The following AKAP6 variants were observed in gnomAD, a reference collection of about 807,000 sequenced individuals.
AKAP6 encodes A-kinase anchor protein 6.
A neutral mutation model predicts 188.5 loss-of-function variants in AKAP6; 58 were observed. The observed-to-expected ratio is 0.31, with a 90% confidence interval of 0.25 to 0.38. The LOEUF is 0.38. AKAP6 is among the 10% of genes least tolerant of loss of function. The pLI, the probability that AKAP6 is intolerant of heterozygous loss-of-function variation, is 1.00. For missense variants in AKAP6, 2,710 were observed against 2,740.0 expected (o/e 0.99, Z 0.24); for synonymous variants, 989 against 998.6 (o/e 0.99, Z 0.18).
At chr14:32,616,371 G>C (rs760596661) in intron 7 of AKAP6, among the ~76,000 whole-genome samples, 3 of 152,178 alleles carry the variant, frequency 2.0e-5, no homozygotes, top group African/African-American at 4.8e-5. Flanking sequence ...ATCAATTGTA[G>C]ACTGGATAAA....
intron 4 of AKAP6, among the ~76,000 whole-genome samples, chr14:32,551,571 CAAA>C (rs1184190008): frequency 5.9e-5 from 3 of 50,960 alleles, no homozygotes; most frequent in Non-Finnish European, 4.1e-5. Flanking sequence ...GACTTGGTCT[CAAA>C]AAAAAAAAAA....
At chr14:32,678,198 A>G (rs1423194345) in intron 7 of AKAP6, 113 bp from the exon 8 acceptor site, 23 of 1,122,022 alleles carry the variant, frequency 2.0e-5, no homozygotes, top group Non-Finnish European at 2.6e-5. Flanking sequence ...ATCCAACTCG[A>G]AAAGGAGCAC....
At chr14:32,674,227 G>A (rs555712144) in intron 7 of AKAP6, among the ~76,000 whole-genome samples, 6 of 152,308 alleles carry the variant, frequency 3.9e-5, no homozygotes, top group East Asian at 1.9e-4. Context: ...GGTAGGAAAC[G>A]TGGCCTAAGG....
At chr14:32,466,312 A>G (rs896057751) in intron 2 of AKAP6, among the ~76,000 whole-genome samples, 3 of 152,192 alleles carry the variant, frequency 2.0e-5, no homozygotes, top group African/African-American at 7.2e-5. Context: ...AATAGCAAAG[A>G]CTTGGAACCA....
intron 2 of AKAP6, among the ~76,000 whole-genome samples, chr14:32,531,782 G>A (rs531654171): frequency 2.0e-5 from 3 of 152,280 alleles, no homozygotes; most frequent in Non-Finnish European, 4.4e-5. Context: ...TTAGTGTAAT[G>A]CCTTTGAGAT....
At chr14:32,488,100 A>G (rs1369215162) in intron 2 of AKAP6, among the ~76,000 whole-genome samples, 2 of 152,158 alleles carry the variant, frequency 1.3e-5, no homozygotes, top group Non-Finnish European at 2.9e-5. Flanking sequence ...CAGGCAGGCA[A>G]ATTTAAGTCT....
At chr14:32,662,781 G>T (rs1330361097) in intron 7 of AKAP6, among the ~76,000 whole-genome samples, 1 of 152,074 alleles carries the variant, frequency 6.6e-6, no homozygotes, top group African/African-American at 2.4e-5. Context: ...TCAGATATTT[G>T]CTTAAGAGTT....
chr14:32,600,875 C>T, intron 7 of AKAP6, 83 bp downstream of exon 7: 2 of 1,352,298 alleles, frequency 1.5e-6, no homozygotes, highest in South Asian at 3.5e-5. Context: ...CTTTCCAACC[C>T]TAAGGCTTTT....
chr14:32,780,406 G>A (rs2033213341), intron 12 of AKAP6, among the ~76,000 whole-genome samples: 2 of 152,036 alleles, frequency 1.3e-5, no homozygotes, highest in African/African-American at 4.8e-5. Flanking sequence ...AAGATATGAA[G>A]TTGGAGTTAT....
intron 1 of AKAP6, among the ~76,000 whole-genome samples, chr14:32,430,282 G>A (rs973855656): frequency 1.3e-5 from 2 of 152,158 alleles, no homozygotes; most frequent in African/African-American, 4.8e-5. Context: ...GTTCCGTTTT[G>A]TCATTTTACA....
chr14:32,788,460 C>T (rs1192889183), intron 12 of AKAP6, among the ~76,000 whole-genome samples: 1 of 152,158 alleles, frequency 6.6e-6, no homozygotes, highest in African/African-American at 2.4e-5. Flanking sequence ...ACTTATATAT[C>T]CAGGATCTCA....
chr14:32,492,355 TAGAG>T (rs1555333490), intron 2 of AKAP6, among the ~76,000 whole-genome samples: 1,117 of 82,608 alleles, frequency 0.014, 8 homozygotes, highest in African/African-American at 0.016. Flanking sequence ...TATATATATA[TAGAG>T]AGAGAGAGAG....
At chr14:32,656,325 C>T (rs971126078) in intron 7 of AKAP6, among the ~76,000 whole-genome samples, 1 of 152,124 alleles carries the variant, frequency 6.6e-6, no homozygotes, top group African/African-American at 2.4e-5. Context: ...ATTTTCTTCT[C>T]CCACAGTGAT....
At chr14:32,755,295 T>C (rs965881305) in intron 11 of AKAP6, among the ~76,000 whole-genome samples, 4 of 152,024 alleles carry the variant, frequency 2.6e-5, no homozygotes, top group Admixed American at 6.6e-5. Flanking sequence ...AAGCTCTTTA[T>C]GGAATTTTTT....
chr14:32,779,470 C>A (rs1340448463), intron 12 of AKAP6, among the ~76,000 whole-genome samples: 2 of 144,260 alleles, frequency 1.4e-5, no homozygotes, highest in African/African-American at 5.1e-5. Flanking sequence ...TATAATAAAG[C>A]TAAGAGATGG....
intron 9 of AKAP6, among the ~76,000 whole-genome samples, chr14:32,718,653 A>C (rs1333825452): frequency 6.6e-6 from 1 of 152,150 alleles, no homozygotes; most frequent in Admixed American, 6.6e-5. Flanking sequence ...ATAAACAATT[A>C]ACTTTGTTCA....
Position 32,814,452 on chromosome 14 carries a change from C to T in AKAP6, c.3589-6950C>T, listed in dbSNP as rs10148016. ...CCTGGAAAGTACCAGTCTCATTCAT[C>T]TCTGCAGATTTACCTATTCTGGATA... On this transcript the variant is annotated intron_variant, in intron 12 of 13. Transcript: ENST00000280979. Among the ~76,000 whole-genome samples the T allele has an allele frequency of 3.7e-3, 569 of 152,290 alleles. 6 individuals are homozygous for T. The highest frequency in any genetic ancestry group is 0.013 in the African/African-American group (541 of 41,568).
intron 1 of AKAP6, among the ~76,000 whole-genome samples, chr14:32,412,386 T>C (rs577186646): frequency 6.6e-6 from 1 of 152,320 alleles, no homozygotes; most frequent in East Asian, 1.9e-4. Flanking sequence ...TTTAAGGAGT[T>C]ATAATCTTTT....
chr14:32,695,249 T>C (rs1346153472), intron 8 of AKAP6, among the ~76,000 whole-genome samples: 1 of 152,184 alleles, frequency 6.6e-6, no homozygotes, highest in Non-Finnish European at 1.5e-5. Context: ...AACACCTGTC[T>C]AATACTGGAT....
Sources: allele counts gnomAD v4.1 joint callset (sites outside exome capture counted in the v4.1 genomes callset), GRCh38; gene constraint gnomAD v4.1.1; transcripts MANE v1.5; gene names NCBI Gene and HGNC (gene_info 2026-07-23, HGNC 2026-07-21).